Variants in BMPR1B observed in about 807,000 individuals in gnomAD.
BMPR1B encodes the protein bone morphogenetic protein receptor type-1B.
In BMPR1B, 12 loss-of-function variants were observed where a neutral mutation model predicts 59.1. The ratio of observed to expected loss-of-function variants is 0.20; its 90% CI spans 0.13 to 0.33. The LOEUF is 0.33. BMPR1B is among the 10% of genes least tolerant of loss of function. The pLI is 1.00. For missense variants in BMPR1B, 550 were observed against 610.9 expected, an observed-to-expected ratio of 0.90 and a Z score of 1.05; for synonymous variants, 237 against 207.3, an observed-to-expected ratio of 1.14 and a Z score of -1.23.
At chr4:94,980,143 T>C (rs1731180310) in intron 2 of BMPR1B, among the ~76,000 whole-genome samples, 1 of 152,278 alleles carries the variant, frequency 6.6e-6, no homozygotes, top group South Asian at 2.1e-4. Context: ...TCACTGCAAT[T>C]ATTACTGTAC....
chr4:95,039,222 C>T (rs1019263055), intron 3 of BMPR1B, among the ~76,000 whole-genome samples: 15 of 152,128 alleles, frequency 9.9e-5, no homozygotes, highest in African/African-American at 3.6e-4. Flanking sequence ...CTCTTTACCT[C>T]CATAACTTGA....
chr4:94,936,487 T>TTTG lies in BMPR1B; in HGVS notation c.-112-59537_-112-59535dup, dbSNP rs372850994. ...GCAGCTTCTTTGCTTTGACAGGTTT[T>TTTG]TTGTTGTTGTTGTTGTTGGGGGTGA... On this transcript the variant is annotated intron_variant, in intron 2 of 12. Transcript: ENST00000515059. Among the ~76,000 whole-genome samples the TTTG allele has an allele frequency of 7.5e-3, 1,141 of 152,090 alleles. 16 individuals are homozygous for TTTG. The highest frequency in any genetic ancestry group is 0.026 in the African/African-American group (1,080 of 41,514).
rs760102833 is a variant in BMPR1B at position 94,869,330 on chromosome 4, T to C, written c.-182-6501T>C. ...TTTCTTTAAACCTTTTTCCGTTATT[T>C]TACTAAGCACCAGAAGAAAGTCAGA... is the stretch of plus-strand genomic sequence containing the variant. On this transcript the variant is annotated intron_variant, in intron 1 of 12. Coordinates refer to ENST00000515059, the MANE Select transcript of BMPR1B (RefSeq NM_001203.3). 1.5e-3 allele frequency among the ~76,000 whole-genome samples: 233 copies of C among 152,288 alleles called. 3 individuals carry two copies. Among genetic ancestry groups the C allele is most frequent in the East Asian group, 9.6e-4 (5 of 5,186 alleles).
intron 1 of BMPR1B, among the ~76,000 whole-genome samples, chr4:94,788,142 G>A (rs1448365876): frequency 6.6e-6 from 1 of 152,142 alleles, no homozygotes; most frequent in African/African-American, 2.4e-5. Flanking sequence ...GCTCTCCCAG[G>A]TAAGAGGTCC....
At chr4:95,105,471 A>G (rs537327393) in intron 4 of BMPR1B, among the ~76,000 whole-genome samples, 1 of 152,080 alleles carries the variant, frequency 6.6e-6, no homozygotes, top group African/African-American at 2.4e-5. Context: ...AGCTGAGTTG[A>G]ATGCTTTTTT....
At chr4:94,823,494 G>A (rs2110657899) in intron 1 of BMPR1B, among the ~76,000 whole-genome samples, 1 of 152,302 alleles carries the variant, frequency 6.6e-6, no homozygotes, top group African/African-American at 2.4e-5. Context: ...AGGAGCCAGT[G>A]TCTGGAAAGT....
At chr4:94,974,516 CT>C (rs1560574961) in intron 2 of BMPR1B, among the ~76,000 whole-genome samples, 1 of 152,050 alleles carries the variant, frequency 6.6e-6, no homozygotes, top group Admixed American at 6.5e-5. Flanking sequence ...TGTTGTCTGC[CT>C]TTTGTAGACT....
chr4:94,760,922 C>T (rs1337318467), intron 1 of BMPR1B, among the ~76,000 whole-genome samples: 3 of 152,078 alleles, frequency 2.0e-5, no homozygotes, highest in African/African-American at 7.2e-5. Context: ...AGATCATAGA[C>T]TTAGGATTGA....
intron 2 of BMPR1B, among the ~76,000 whole-genome samples, chr4:94,919,555 C>T (rs988619415): frequency 6.6e-6 from 1 of 152,042 alleles, no homozygotes; most frequent in Non-Finnish European, 1.5e-5. Flanking sequence ...CCTCAACCCA[C>T]CCAAGAAATG....
intron 3 of BMPR1B, among the ~76,000 whole-genome samples, chr4:95,057,470 C>T (rs966985102): frequency 3.3e-5 from 5 of 152,108 alleles, no homozygotes; most frequent in African/African-American, 4.8e-5. Flanking sequence ...TGGTCTCAAT[C>T]TCTTGATCTT....
At chr4:95,071,894 G>A (rs1728330386) in intron 3 of BMPR1B, among the ~76,000 whole-genome samples, 1 of 151,872 alleles carries the variant, frequency 6.6e-6, no homozygotes, top group South Asian at 2.1e-4. Flanking sequence ...GTTCTCCAGA[G>A]AAACAGAGCC....
chr4:95,052,063 G>T (rs904464703), intron 3 of BMPR1B, among the ~76,000 whole-genome samples: 2 of 152,166 alleles, frequency 1.3e-5, no homozygotes, highest in Non-Finnish European at 1.5e-5. Context: ...TCAATATACT[G>T]TGACAGTTTA....
intron 3 of BMPR1B, among the ~76,000 whole-genome samples, chr4:95,032,322 G>C (rs111780708): frequency 0.035 from 5,253 of 152,044 alleles, 128 homozygotes; most frequent in South Asian, 0.062. Context: ...AGCAATACCT[G>C]GTTTCTCTTC....
intron 10 of BMPR1B, among the ~76,000 whole-genome samples, chr4:95,139,832 T>C (rs1279593735): frequency 1.3e-5 from 2 of 152,158 alleles, no homozygotes; most frequent in African/African-American, 2.4e-5. Flanking sequence ...GTACCGTGTG[T>C]CATGGCTTCC....
intron 3 of BMPR1B, among the ~76,000 whole-genome samples, chr4:95,024,972 G>A (rs1209428477): frequency 4.6e-5 from 7 of 152,062 alleles, no homozygotes; most frequent in Non-Finnish European, 1.5e-5. Flanking sequence ...GTGGTGGTGC[G>A]TGCCTGTAGT....
chr4:95,056,382 A>G (rs984579195), intron 3 of BMPR1B, among the ~76,000 whole-genome samples: 4 of 152,122 alleles, frequency 2.6e-5, no homozygotes, highest in Admixed American at 1.3e-4. Context: ...GCTTGATACT[A>G]TCTCTGTTAC....
intron 1 of BMPR1B, among the ~76,000 whole-genome samples, chr4:94,804,814 A>C (rs1014401815): frequency 1.1e-4 from 17 of 152,172 alleles, no homozygotes; most frequent in African/African-American, 4.1e-4. Flanking sequence ...GTTAGATCCA[A>C]TTAGAGTTTT....
chr4:94,871,432 T>C (rs1409147497), intron 1 of BMPR1B, among the ~76,000 whole-genome samples: 3 of 152,228 alleles, frequency 2.0e-5, no homozygotes, highest in Non-Finnish European at 4.4e-5. Context: ...TTCAAGATTG[T>C]TAATATGTTG....
rs555586650 is a variant in BMPR1B, at chr4:95,157,945, A to G, written c.*3272A>G. 6.6e-6 allele frequency: 1 copy of G among 152,330 alleles called. No individual in the cohort carries two copies. Among genetic ancestry groups the G allele is most frequent in the South Asian group, 2.1e-4 (1 of 4,830 alleles). The allele number at this position is 152,330 out of a possible 1,614,324, so 9.4% of individuals were successfully genotyped here. A position where few individuals can be genotyped will look rare whatever the true frequency, so the allele number is the denominator to read the frequency against. On this transcript the variant is annotated 3_prime_UTR_variant, in exon 13 of 13. Coordinates refer to ENST00000515059, the MANE Select transcript of BMPR1B (RefSeq NM_001203.3). The stretch of plus-strand genomic sequence containing the variant: ...CTTTGACACATTTCAATTGGTGTGT[A>G]GTCAAGTATAGCAAGTACTTAATAA...
Sources: allele counts gnomAD v4.1 joint callset (sites outside exome capture counted in the v4.1 genomes callset), GRCh38; gene constraint gnomAD v4.1.1; transcripts MANE v1.5; gene names NCBI Gene and HGNC (gene_info 2026-07-23, HGNC 2026-07-21).